Variants in PRKN observed in about 807,000 individuals in gnomAD.
The protein encoded by PRKN is parkin RBR E3 ubiquitin protein ligase, also known as E3 ubiquitin-protein ligase parkin.
Under a neutral mutation model 59.5 loss-of-function variants are expected in PRKN, and 56 were observed. That is an observed-to-expected ratio of 0.94 (90% CI 0.76 to 1.18). The LOEUF is 1.18. Among genes scored for constraint, PRKN ranks in the 50% most tolerant of loss-of-function variants. The pLI is 0.00. For missense variants in PRKN, 657 were observed against 596.4 expected, an observed-to-expected ratio of 1.10 and a Z score of -1.06; for synonymous variants, 250 against 222.1, an observed-to-expected ratio of 1.13 and a Z score of -1.12.
intron 7 of PRKN, among the ~76,000 whole-genome samples, chr6:161,659,295 C>A (rs10945766): frequency 0.43 from 64,869 of 151,946 alleles, 15,686 homozygotes; most frequent in Non-Finnish European, 0.55. Context: ...ATATATAATT[C>A]TTTTCTTAAT....
intron 3 of PRKN, among the ~76,000 whole-genome samples, chr6:162,217,781 A>T (rs1010294348): frequency 2.0e-5 from 3 of 152,212 alleles, no homozygotes; most frequent in African/African-American, 7.2e-5. Flanking sequence ...AGCGCAAGGG[A>T]GACAAAAACA....
At chr6:161,663,795 A>G (rs550747671) in intron 7 of PRKN, among the ~76,000 whole-genome samples, 126 of 152,202 alleles carry the variant, frequency 8.3e-4, no homozygotes, top group African/African-American at 2.8e-3. Context: ...CTTCTTTCCT[A>G]TGATTCTCTA....
In PRKN at chr6:161,360,101, T is replaced by C; in HGVS notation, c.1272A>G (p.Pro424=). The change falls in exon 11 of 12, where the codon CCA becomes CCG. Residue 424 remains proline (P), a synonymous_variant. Coordinates refer to ENST00000366898, the MANE Select transcript of PRKN (RefSeq NM_004562.3). This position sits in a 1 kb window ranked among gnomAD's most constrained non-coding sequence, Gnocchi z 5.1. ...TTKPCPRCHV[P]VEKNGGCMHM... ...GCACAGACTCACCATTTTTTTCCAC[T>C]GGTACATGGCAGCGGGGACAGGGCT... 2 of 1,613,068 alleles carry C rather than the reference T, an allele frequency of 1.2e-6. No homozygotes were observed. Among genetic ancestry groups the C allele is most frequent in the Non-Finnish European group, 8.5e-7 (1 of 1,179,026 alleles).
intron 6 of PRKN, among the ~76,000 whole-genome samples, chr6:161,928,290 C>A (rs969264475): frequency 6.6e-6 from 1 of 152,070 alleles, no homozygotes; most frequent in Admixed American, 6.5e-5. Context: ...GATAATGACA[C>A]TTATTATTAA....
intron 2 of PRKN, among the ~76,000 whole-genome samples, chr6:162,275,917 G>A (rs73598137): frequency 2.3e-3 from 345 of 152,286 alleles, no homozygotes; most frequent in African/African-American, 7.2e-3. Context: ...TGGCAGAGGC[G>A]CAAGAGTCTT....
chr6:162,290,195 T>C (rs1332618495), intron 2 of PRKN, among the ~76,000 whole-genome samples: 1 of 152,182 alleles, frequency 6.6e-6, no homozygotes, highest in Non-Finnish European at 1.5e-5. Flanking sequence ...CCTCTCATTT[T>C]GCATGCAGGG....
At chr6:162,448,894 CCTCTCTCT>C (rs112625480) in intron 1 of PRKN, among the ~76,000 whole-genome samples, 23 of 141,480 alleles carry the variant, frequency 1.6e-4, no homozygotes, top group South Asian at 7.1e-4. Context: ...TCTCTCCCTT[CCTCTCTCT>C]CTCTCTCTCT....
intron 7 of PRKN, among the ~76,000 whole-genome samples, chr6:161,779,606 A>C (rs1345225884): frequency 6.6e-6 from 1 of 150,632 alleles, no homozygotes; most frequent in Non-Finnish European, 1.5e-5. Context: ...CACCACACCT[A>C]GCTAATTTTT....
intron 3 of PRKN, among the ~76,000 whole-genome samples, chr6:162,204,915 T>C (rs1182475165): frequency 6.6e-6 from 1 of 150,580 alleles, no homozygotes; most frequent in East Asian, 2.0e-4. Context: ...CAGACTGGAG[T>C]GGAATGGTAC....
intron 1 of PRKN, among the ~76,000 whole-genome samples, chr6:162,636,307 T>C (rs1333134110): frequency 6.6e-6 from 1 of 151,654 alleles, no homozygotes; most frequent in East Asian, 1.9e-4. Context: ...CAACATGAAA[T>C]AAATAGCACC....
In PRKN at chr6:161,391,973, C is replaced by T. The variant is rs10455881; in HGVS notation, c.1084-5096G>A. On this transcript the variant is annotated intron_variant, in intron 9 of 11. Coordinates refer to ENST00000366898, the MANE Select transcript of PRKN (RefSeq NM_004562.3). This position sits in a 1 kb window ranked among gnomAD's most constrained non-coding sequence, Gnocchi z 4.9. The stretch of plus-strand genomic sequence containing the variant: ...CACAGATATATAGATACAATGTGTG[C>T]CTGCATGTATATATATGTAGGGATA... Among the ~76,000 whole-genome samples the T allele has an allele frequency of 0.07, 10,679 of 151,714 alleles. 439 individuals carry two copies. The highest frequency in any genetic ancestry group is 0.1 in the Admixed American group (1,553 of 15,250).
chr6:161,638,422 A>T (rs1281468560), intron 7 of PRKN, among the ~76,000 whole-genome samples: 1 of 152,170 alleles, frequency 6.6e-6, no homozygotes, highest in East Asian at 1.9e-4. Flanking sequence ...GGTGTGAGCC[A>T]TCGTGTCCGG....
chr6:161,873,294 T>C (rs1050480998), intron 6 of PRKN, among the ~76,000 whole-genome samples: 6 of 151,922 alleles, frequency 3.9e-5, no homozygotes, highest in Non-Finnish European at 8.8e-5. Flanking sequence ...CAGACACTCA[T>C]TCTCGCTCCA....
chr6:161,860,014 T>C (rs746875500), intron 6 of PRKN, among the ~76,000 whole-genome samples: 11 of 152,170 alleles, frequency 7.2e-5, no homozygotes, highest in Non-Finnish European at 1.2e-4. Context: ...GCTAGTTTTG[T>C]GGAGGGTTTT....
At chr6:161,936,089 T>C (rs1019211726) in intron 6 of PRKN, among the ~76,000 whole-genome samples, 2 of 151,990 alleles carry the variant, frequency 1.3e-5, no homozygotes, top group South Asian at 2.1e-4. Context: ...TAACAGGAGA[T>C]GAAACACAGC....
rs1031986316 is a variant in PRKN, at chr6:161,533,720, A to ATC, written c.1083+15132_1083+15133dup. Among the ~76,000 whole-genome samples, 2 of 151,674 alleles carry ATC rather than the reference A, an allele frequency of 1.3e-5. No homozygotes were observed. Among genetic ancestry groups the ATC allele is most frequent in the African/African-American group, 4.8e-5 (2 of 41,264 alleles). On this transcript the variant is annotated intron_variant, in intron 9 of 11. Transcript: ENST00000366898. The surrounding 1 kb of genome is among the most constrained non-coding windows in gnomAD (Gnocchi z 4.1). ...GCCACCTTAACCCTTTTTTTCAGAC[A>ATC]TCTCTCTCTCTTGCAAGGAGCTGCC...
At chr6:162,560,707 C>T (rs9458595) in intron 1 of PRKN, among the ~76,000 whole-genome samples, 46,625 of 151,568 alleles carry the variant, frequency 0.31, 7,618 homozygotes, top group East Asian at 0.49. Flanking sequence ...ATTGTGTTAA[C>T]AAATTTGCAA....
At position 162,379,994 on chromosome 6, in the gene PRKN, C is replaced by T. The variant is rs151212145; in HGVS notation, c.171+63316G>A. Among the ~76,000 whole-genome samples, 477 of 152,234 alleles carry T rather than the reference C, an allele frequency of 3.1e-3. 4 individuals carry two copies. The highest frequency in any genetic ancestry group is 0.011 in the African/African-American group (459 of 41,552). ...GTAAACAGAAACCCTGCGGGACTCACTTGTGCATACAGCTGTCAAAACAAT... is the reference window on the plus strand; with the variant it reads ...GTAAACAGAAACCCTGCGGGACTCATTTGTGCATACAGCTGTCAAAACAAT... On this transcript the variant is annotated intron_variant, in intron 2 of 11. Transcript: ENST00000366898.
At chr6:161,615,683 G>T (rs933049308) in intron 7 of PRKN, among the ~76,000 whole-genome samples, 5 of 152,224 alleles carry the variant, frequency 3.3e-5, no homozygotes, top group Non-Finnish European at 7.3e-5. Context: ...GGGGTCATGT[G>T]ATACAACCGT....
Sources: allele counts gnomAD v4.1 joint callset (sites outside exome capture counted in the v4.1 genomes callset), GRCh38; gene constraint gnomAD v4.1.1; non-coding constraint Gnocchi (gnomAD v3.1); transcripts MANE v1.5; gene names NCBI Gene and HGNC (gene_info 2026-07-23, HGNC 2026-07-21).